The following ADGRL3 variants were observed in gnomAD, a reference collection of about 807,000 sequenced individuals.
The protein encoded by ADGRL3 is adhesion G protein-coupled receptor L3, also known as calcium-independent alpha-latrotoxin receptor 3.
A neutral mutation model predicts 153.5 loss-of-function variants in ADGRL3; 62 were observed. That is an observed-to-expected ratio of 0.40 (90% confidence interval 0.33 to 0.50). ADGRL3 has a LOEUF of 0.50. Ranked by LOEUF, ADGRL3 falls within the 20% of genes least tolerant of loss-of-function variation. ADGRL3 has a pLI of 0.47. For missense variants in ADGRL3, 1,641 were observed against 1,859.4 expected (o/e 0.88, Z 2.16); for synonymous variants, 710 against 672.5 (o/e 1.06, Z -0.86).
At chr4:61,598,443 AAAT>A (rs1370286234) in intron 5 of ADGRL3, among the ~76,000 whole-genome samples, 2 of 152,202 alleles carry the variant, frequency 1.3e-5, no homozygotes, top group African/African-American at 4.8e-5. Flanking sequence ...ATTCATTATA[AAAT>A]AATATCAGCA....
At chr4:62,062,042 G>A (rs551147167) in intron 25 of ADGRL3, among the ~76,000 whole-genome samples, 1 of 152,120 alleles carries the variant, frequency 6.6e-6, no homozygotes, top group South Asian at 2.1e-4. Context: ...CTGCCAAACT[G>A]TTTTCCAGAG....
intron 1 of ADGRL3, among the ~76,000 whole-genome samples, chr4:61,360,655 C>T (rs2096268895): frequency 6.6e-6 from 1 of 152,028 alleles, no homozygotes; most frequent in Admixed American, 6.6e-5. Context: ...ATTTTAGATG[C>T]AAAAACATAG....
intron 1 of ADGRL3, among the ~76,000 whole-genome samples, chr4:61,211,465 G>A (rs1328553179): frequency 6.6e-6 from 1 of 152,174 alleles, no homozygotes; most frequent in Non-Finnish European, 1.5e-5. Context: ...CGAATGGATA[G>A]TTAGCTTGAA....
At chr4:61,218,986 TA>T (rs1744152307) in intron 1 of ADGRL3, among the ~76,000 whole-genome samples, 1 of 152,230 alleles carries the variant, frequency 6.6e-6, no homozygotes, top group Non-Finnish European at 1.5e-5. Context: ...CTGCTCTATG[TA>T]GACATAATTG....
At chr4:61,631,693 A>T (rs549260651) in intron 5 of ADGRL3, among the ~76,000 whole-genome samples, 9 of 152,360 alleles carry the variant, frequency 5.9e-5, no homozygotes, top group Admixed American at 3.9e-4. Context: ...TACACAGATG[A>T]AGAAGAAAAT....
rs1255913510 is a variant in ADGRL3 at position 61,383,202 on chromosome 4, T to C, written c.-174+13T>C. On this transcript the variant is annotated intron_variant, in intron 2 of 26. Coordinates refer to ENST00000683033, the MANE Select transcript of ADGRL3 (RefSeq NM_001387552.1). ...AGAGCAAATTAAGGTAATTAGTAGA[T>C]TATTATTGCCAACCATATAATTTCA... The C allele has an allele frequency of 1.3e-5, 2 of 151,770 alleles. No individual in the cohort carries two copies. The highest frequency in any genetic ancestry group is 3.8e-4 in the East Asian group (2 of 5,196). The allele number at this position is 151,770 out of a possible 1,614,324, so 9.4% of individuals were successfully genotyped here.
At chr4:61,222,653 T>C (rs1044548676) in intron 1 of ADGRL3, among the ~76,000 whole-genome samples, 6 of 152,176 alleles carry the variant, frequency 3.9e-5, no homozygotes, top group African/African-American at 7.2e-5. Flanking sequence ...CAGGGACTCA[T>C]GTAAGTACAG....
At chr4:61,993,074 A>C (rs560205307) in intron 19 of ADGRL3, among the ~76,000 whole-genome samples, 1 of 152,122 alleles carries the variant, frequency 6.6e-6, no homozygotes, top group South Asian at 2.1e-4. Flanking sequence ...CCTACAAAAT[A>C]ATGAGAGCTG....
intron 9 of ADGRL3, among the ~76,000 whole-genome samples, chr4:61,849,505 A>T (rs1437705158): frequency 1.3e-5 from 2 of 151,592 alleles, no homozygotes; most frequent in African/African-American, 4.9e-5. Flanking sequence ...GTGGAATATG[A>T]TTCAAAAACT....
At chr4:61,209,529 G>A (rs1417920346) in intron 1 of ADGRL3, among the ~76,000 whole-genome samples, 1 of 152,104 alleles carries the variant, frequency 6.6e-6, no homozygotes, top group Non-Finnish European at 1.5e-5. Flanking sequence ...AGTTCTTGAT[G>A]AGCTAGGAAA....
intron 2 of ADGRL3, among the ~76,000 whole-genome samples, chr4:61,463,140 C>T (rs1254554321): frequency 1.3e-5 from 2 of 152,184 alleles, no homozygotes; most frequent in East Asian, 3.9e-4. Flanking sequence ...TGTGTAATGA[C>T]CTGCAATAGT....
intron 9 of ADGRL3, among the ~76,000 whole-genome samples, chr4:61,846,777 G>A (rs1022240080): frequency 9.2e-5 from 14 of 151,786 alleles, no homozygotes; most frequent in Non-Finnish European, 1.9e-4. Flanking sequence ...TTACAATCAT[G>A]GCGAAGGTGA....
chr4:62,065,128 T>G (rs1393240868), intron 25 of ADGRL3, among the ~76,000 whole-genome samples: 5 of 152,098 alleles, frequency 3.3e-5, no homozygotes, highest in Admixed American at 3.3e-4. Flanking sequence ...TATATATTTT[T>G]TTCTTCCACT....
At chr4:61,999,364 A>G (rs2099132607) in intron 21 of ADGRL3, among the ~76,000 whole-genome samples, 1 of 152,212 alleles carries the variant, frequency 6.6e-6, no homozygotes, top group Non-Finnish European at 1.5e-5. Context: ...GCTAATTTAC[A>G]TTTTCTGAAA....
chr4:61,378,752 T>G (rs2151863133), intron 1 of ADGRL3, among the ~76,000 whole-genome samples: 1 of 152,114 alleles, frequency 6.6e-6, no homozygotes, highest in Admixed American at 6.6e-5. Flanking sequence ...AAAACAGTGC[T>G]TTTGTGGATT....
intron 4 of ADGRL3, among the ~76,000 whole-genome samples, chr4:61,542,083 A>G (rs767212200): frequency 3.3e-5 from 5 of 152,064 alleles, no homozygotes; most frequent in Non-Finnish European, 5.9e-5. Context: ...AACTATATAG[A>G]TTTTTAGGTA....
chr4:61,777,039 T>C (rs2097159517), intron 8 of ADGRL3, among the ~76,000 whole-genome samples: 1 of 152,178 alleles, frequency 6.6e-6, no homozygotes, highest in Non-Finnish European at 1.5e-5. Context: ...CTTTTGTTTA[T>C]ATTTGAAAAT....
At chr4:61,832,301 AT>A (rs1429651536) in intron 9 of ADGRL3, among the ~76,000 whole-genome samples, 1 of 152,212 alleles carries the variant, frequency 6.6e-6, no homozygotes, top group Non-Finnish European at 1.5e-5. Context: ...GTTATGACTT[AT>A]TGTGCAGATG....
At chr4:61,786,878 A>T (rs76066979) in intron 8 of ADGRL3, among the ~76,000 whole-genome samples, 2 of 150,820 alleles carry the variant, frequency 1.3e-5, no homozygotes, top group South Asian at 4.1e-4. Context: ...TAGTGGCAAT[A>T]AAAAAATAGA....
Sources: allele counts gnomAD v4.1 joint callset (sites outside exome capture counted in the v4.1 genomes callset), GRCh38; gene constraint gnomAD v4.1.1; transcripts MANE v1.5; gene names NCBI Gene and HGNC (gene_info 2026-07-23, HGNC 2026-07-21).